Variants in ZFR observed in about 807,000 individuals in gnomAD.
ZFR encodes the protein zinc finger RNA-binding protein.
A neutral mutation model predicts 130.7 loss-of-function variants in ZFR; 19 were observed. The ratio of observed to expected loss-of-function variants is 0.15; its 90% CI spans 0.10 to 0.21. The LOEUF (loss-of-function observed/expected upper bound fraction) is 0.21, where lower values mean the gene tolerates loss of function less well. ZFR is among the 10% of genes least tolerant of loss of function. ZFR has a pLI of 1.00. For missense variants in ZFR, 872 were observed against 1,321.5 expected, an observed-to-expected ratio of 0.66 and a Z score of 5.27; for synonymous variants, 466 against 456.9, an observed-to-expected ratio of 1.02 and a Z score of -0.25.
chr5:32,406,739 CT>C lies in ZFR; in HGVS notation c.1032+34del, dbSNP rs752917267. On this transcript the variant is annotated intron_variant, in intron 6 of 19. Coordinates refer to ENST00000265069, the MANE Select transcript of ZFR (RefSeq NM_016107.5). ...GAATACCAACTACACTTAATAACCA[CT>C]GAAGACTCAAGGTAAAACATACAAC... 5.7e-5 allele frequency: 91 copies of C among 1,586,410 alleles called. No individual in the cohort carries two copies. The African/African-American group carries it at 1.1e-3, about 20-fold the overall frequency.
At chr5:32,426,428 A>G (rs920697229) in intron 2 of ZFR, among the ~76,000 whole-genome samples, 2 of 152,168 alleles carry the variant, frequency 1.3e-5, no homozygotes, top group Non-Finnish European at 2.9e-5. Flanking sequence ...TAGGAATTGA[A>G]GGAAATAACC....
intron 14 of ZFR, among the ~76,000 whole-genome samples, 176 bp from the exon 15 acceptor site, chr5:32,385,825 C>T (rs959353879): frequency 2.0e-5 from 3 of 152,024 alleles, no homozygotes; most frequent in African/African-American, 4.8e-5. Flanking sequence ...AGTCTTACTC[C>T]CTACTTTCAG....
intron 2 of ZFR, among the ~76,000 whole-genome samples, chr5:32,427,333 C>T (rs979623048): frequency 1.2e-4 from 16 of 134,498 alleles, no homozygotes; most frequent in Admixed American, 2.4e-4. Context: ...TGCAGGTGGC[C>T]GTGATCGTGC....
chr5:32,376,366 G>T (rs933450129), intron 17 of ZFR, among the ~76,000 whole-genome samples: 1 of 152,074 alleles, frequency 6.6e-6, no homozygotes, highest in African/African-American at 2.4e-5. Flanking sequence ...AAGGAGATGT[G>T]CCAGGCACAG....
At chr5:32,409,475 G>T (rs1364211901) in intron 5 of ZFR, among the ~76,000 whole-genome samples, 1 of 149,130 alleles carries the variant, frequency 6.7e-6, no homozygotes, top group African/African-American at 2.5e-5. Flanking sequence ...GCGCAATCTC[G>T]ACTCACTGCA....
At chr5:32,397,440 G>T in intron 9 of ZFR, 102 bp from the exon 10 acceptor site, 1 of 1,415,422 alleles carries the variant, frequency 7.1e-7, no homozygotes. Flanking sequence ...TTAGAAAGAA[G>T]TGGCAATGTC....
intron 12 of ZFR, among the ~76,000 whole-genome samples, chr5:32,389,567 G>A (rs756019709): frequency 1.1e-4 from 17 of 152,034 alleles, no homozygotes; most frequent in East Asian, 5.8e-4. Flanking sequence ...CCTGTGTACC[G>A]GCTACTCGGG....
chr5:32,428,154 G>A (rs568052633), intron 2 of ZFR, among the ~76,000 whole-genome samples: 4 of 152,258 alleles, frequency 2.6e-5, no homozygotes, highest in African/African-American at 4.8e-5. Context: ...TGAGTGCAGC[G>A]ACTCTGTGTG....
chr5:32,413,582 G>A (rs988623436), intron 5 of ZFR, among the ~76,000 whole-genome samples: 1 of 151,982 alleles, frequency 6.6e-6, no homozygotes, highest in Non-Finnish European at 1.5e-5. Context: ...ACCAGAGAAA[G>A]AGAAAGGAAA....
chr5:32,370,310 GGA>G lies in ZFR; in HGVS notation c.2836-6037_2836-6036del, dbSNP rs769362722. Among the ~76,000 whole-genome samples the G allele has an allele frequency of 5.7e-3, 398 of 69,844 alleles. 1 individual carries two copies. The highest frequency in any genetic ancestry group is 0.015 in the South Asian group (30 of 1,998). 45.8% of individuals were successfully genotyped at this position (69,844 alleles called of 152,430 possible). ...TATAATAACATTGTGTGTTGTGGGG[GGA>G]GAGAGAGAGAGAGAGAGAGAGAGAG... On this transcript the variant is annotated intron_variant, in intron 17 of 19. Transcript: ENST00000265069.
intron 2 of ZFR, among the ~76,000 whole-genome samples, chr5:32,432,826 T>C (rs1347243025): frequency 1.3e-5 from 2 of 151,904 alleles, no homozygotes; most frequent in East Asian, 3.9e-4. Flanking sequence ...CATCCCCAGC[T>C]CACGTGATCC....
chr5:32,368,890 A>G (rs113406556), intron 17 of ZFR, among the ~76,000 whole-genome samples: 2,857 of 152,336 alleles, frequency 0.019, 84 homozygotes, highest in African/African-American at 0.066. Flanking sequence ...TTTTATGAAT[A>G]CCACAACAAT....
Position 32,444,705 on chromosome 5 carries a change from C to T in ZFR, c.-47G>A. ...AACTCTGAACTCTCACCCGCTGCCT[C>T]CCTCCTCTGCCCCGCTCCTCCTCAG... On this transcript the variant is annotated 5_prime_UTR_variant, in exon 1 of 20. Transcript: ENST00000265069. 1 of 1,498,818 alleles carries T rather than the reference C, an allele frequency of 6.7e-7. No homozygotes were observed. The allele number at this position is 1,498,818 out of a possible 1,614,324, so 92.8% of individuals were successfully genotyped here.
intron 2 of ZFR, among the ~76,000 whole-genome samples, chr5:32,432,768 A>T (rs1197231585): frequency 1.3e-5 from 2 of 151,956 alleles, no homozygotes; most frequent in Non-Finnish European, 2.9e-5. Context: ...TCACTCTGTC[A>T]CCCAGGAAGG....
At chr5:32,356,319 T>A (rs1006091626) in intron 19 of ZFR, among the ~76,000 whole-genome samples, 4 of 152,240 alleles carry the variant, frequency 2.6e-5, no homozygotes, top group Non-Finnish European at 5.9e-5. Flanking sequence ...GTAGACAGTA[T>A]GTAACTTAAG....
At chr5:32,400,659 T>C (rs964232326) in intron 8 of ZFR, among the ~76,000 whole-genome samples, 9 of 152,168 alleles carry the variant, frequency 5.9e-5, no homozygotes, top group Non-Finnish European at 1.0e-4. Context: ...GCCTAGAAGT[T>C]TGAGACCAGC....
At chr5:32,416,977 T>C (rs909018201) in intron 4 of ZFR, among the ~76,000 whole-genome samples, 2 of 151,706 alleles carry the variant, frequency 1.3e-5, no homozygotes, top group African/African-American at 4.8e-5. Flanking sequence ...GTTTGTTACA[T>C]ATGTATACAT....
At chr5:32,388,994 T>C (rs1753101460) in intron 12 of ZFR, among the ~76,000 whole-genome samples, 1 of 152,250 alleles carries the variant, frequency 6.6e-6, no homozygotes, top group Non-Finnish European at 1.5e-5. Context: ...TTGCTTTCAG[T>C]AATTCAAGTC....
At position 32,396,192 on chromosome 5, in the gene ZFR, A is replaced by G. The variant is rs79715499; in HGVS notation, c.1834-888T>C. Among the ~76,000 whole-genome samples, 1,111 of 151,674 alleles carry G rather than the reference A, an allele frequency of 7.3e-3. 18 individuals are homozygous for G. Among genetic ancestry groups the G allele is most frequent in the African/African-American group, 0.026 (1,058 of 41,290 alleles). Reference sequence around the variant, plus strand: ...CATGTCATCGTACTCCAGCCTGGGCAACAGAGCAAGGCCCTATCTCAAAAA... The same window carrying G: ...CATGTCATCGTACTCCAGCCTGGGCGACAGAGCAAGGCCCTATCTCAAAAA... On this transcript the variant is annotated intron_variant, in intron 10 of 19. Coordinates refer to ENST00000265069, the MANE Select transcript of ZFR (RefSeq NM_016107.5).
Sources: gnomAD v4.1 joint callset for allele counts (sites outside exome capture counted in the v4.1 genomes callset) on GRCh38, gnomAD v4.1.1 for gene constraint, MANE v1.5 for transcripts, NCBI Gene and HGNC (gene_info 2026-07-23, HGNC 2026-07-21) for gene names.